Variants in OR6C74 observed in about 807,000 individuals in gnomAD.
OR6C74 encodes olfactory receptor family 6 subfamily C member 74.
For missense variants in OR6C74, 361 were observed against 362.9 expected (o/e 0.99, Z 0.04); for synonymous variants, 142 against 134.2 (o/e 1.06, Z -0.40).
At position 55,253,236 on chromosome 12, in the gene OR6C74, T is replaced by C. The variant is rs919106410; in HGVS notation, c.*5010T>C. 2.6e-5 allele frequency among the ~76,000 whole-genome samples: 4 copies of C among 152,114 alleles called. No homozygotes were observed. Among genetic ancestry groups the C allele is most frequent in the Non-Finnish European group, 4.4e-5 (3 of 67,972 alleles). The stretch of plus-strand genomic sequence containing the variant: ...TTGATTTATTCTAGTAAATGGGCCA[T>C]AACTGAAAAGACAGTTGCAATTGAA... On this transcript the variant is annotated 3_prime_UTR_variant, in exon 2 of 2. Coordinates refer to ENST00000343399, the MANE Select transcript of OR6C74 (RefSeq NM_001005490.2).
chr12:55,256,507 G>T lies in OR6C74; in HGVS notation c.*8281G>T, dbSNP rs1954346338. On this transcript the variant is annotated 3_prime_UTR_variant, in exon 2 of 2. Coordinates refer to ENST00000343399, the MANE Select transcript of OR6C74 (RefSeq NM_001005490.2). The stretch of plus-strand genomic sequence containing the variant: ...GGAAAGACTGTGTTTCTGTTTTAAG[G>T]CTCTGTTAGAAATTACTGATGCACA... Among the ~76,000 whole-genome samples, 1 of 151,976 alleles carries T rather than the reference G, an allele frequency of 6.6e-6. No individual in the cohort carries two copies. The highest frequency in any genetic ancestry group is 2.4e-5 in the African/African-American group (1 of 41,378).
In OR6C74 at chr12:55,248,426, C is replaced by A. The variant is rs147694513; in HGVS notation, c.*200C>A. ...CTGAGATCACATAGAAAAGATATTT[C>A]TTGGTTTTGGTCAAAATCATTTGCC... On this transcript the variant is annotated 3_prime_UTR_variant, in exon 2 of 2. Transcript: ENST00000343399. 3.6e-4 allele frequency: 162 copies of A among 454,558 alleles called. No individual in the cohort carries two copies. The highest frequency in any genetic ancestry group is 2.9e-3 in the African/African-American group (142 of 49,390). The allele number at this position is 454,558 out of a possible 1,614,324, so 28.2% of individuals were successfully genotyped here. A position where few individuals can be genotyped will look rare whatever the true frequency, so the allele number is the denominator to read the frequency against.
rs945713920 is a variant in OR6C74, at chr12:55,256,345, G to A, written c.*8119G>A. Among the ~76,000 whole-genome samples the A allele has an allele frequency of 4.6e-5, 7 of 152,008 alleles. No individual in the cohort carries two copies. Among genetic ancestry groups the A allele is most frequent in the Non-Finnish European group, 7.4e-5 (5 of 67,962 alleles). ...CCACAGCTCTTCTAGGCCTCTTTGGGGGTAAGGCATACTCCCTTCTGATAT... is the reference window on the plus strand; with the variant it reads ...CCACAGCTCTTCTAGGCCTCTTTGGAGGTAAGGCATACTCCCTTCTGATAT... On this transcript the variant is annotated 3_prime_UTR_variant, in exon 2 of 2. Coordinates refer to ENST00000343399, the MANE Select transcript of OR6C74 (RefSeq NM_001005490.2).
rs1466791061 is a variant in OR6C74 at position 55,249,293 on chromosome 12, T to C, written c.*1067T>C. ...TCCTTTCAATAGTACCCTATCTCAG[T>C]GTTATAAGACAAGAAAACTTTTTCT... On this transcript the variant is annotated 3_prime_UTR_variant, in exon 2 of 2. Transcript: ENST00000343399. 1.3e-5 allele frequency among the ~76,000 whole-genome samples: 2 copies of C among 152,130 alleles called. No individual in the cohort carries two copies. The highest frequency in any genetic ancestry group is 2.9e-5 in the Non-Finnish European group (2 of 68,010).
At chr12:55,245,781 G>A (rs1016517133) in intron 1 of OR6C74, among the ~76,000 whole-genome samples, 4 of 140,656 alleles carry the variant, frequency 2.8e-5, no homozygotes, top group Non-Finnish European at 4.9e-5. Flanking sequence ...GTTGATTGAG[G>A]TTTTCCTGTG....
chr12:55,249,519 G>A lies in OR6C74; in HGVS notation c.*1293G>A, dbSNP rs963853969. 1.3e-5 allele frequency among the ~76,000 whole-genome samples: 2 copies of A among 151,668 alleles called. No individual in the cohort carries two copies. The highest frequency in any genetic ancestry group is 4.8e-5 in the African/African-American group (2 of 41,334). ...CCCAGGCTAGCAAGAAATTTTATTTGAATTTTACAAGCATTAGTGAGAAGC... is the reference window on the plus strand; with the variant it reads ...CCCAGGCTAGCAAGAAATTTTATTTAAATTTTACAAGCATTAGTGAGAAGC... On this transcript the variant is annotated 3_prime_UTR_variant, in exon 2 of 2. Coordinates refer to ENST00000343399, the MANE Select transcript of OR6C74 (RefSeq NM_001005490.2).
Position 55,246,507 on chromosome 12 carries a change from A to T in OR6C74, c.-9-772A>T, listed in dbSNP as rs565613620. 1.1e-3 allele frequency among the ~76,000 whole-genome samples: 173 copies of T among 152,336 alleles called. 1 individual carries two copies. Among genetic ancestry groups the T allele is most frequent in the Non-Finnish European group, 2.1e-3 (142 of 68,032 alleles). On this transcript the variant is annotated intron_variant, in intron 1 of 1. Coordinates refer to ENST00000343399, the MANE Select transcript of OR6C74 (RefSeq NM_001005490.2). ...GTAGCTGGGATTACAGGCACAAGCC[A>T]CATTTTATTTTTAAATAGTTTGTTT...
In OR6C74 at chr12:55,248,218, A is replaced by G. The variant is rs541777526; in HGVS notation, c.931A>G (p.Met311Val). 1.3e-6 allele frequency: 2 copies of G among 1,586,758 alleles called. No individual in the cohort carries two copies. Among genetic ancestry groups the G allele is most frequent in the Non-Finnish European group, 1.7e-6 (2 of 1,157,710 alleles). The change falls in exon 2 of 2, where the codon ATG becomes GTG. Residue 311 changes from methionine to valine, a missense_variant. By Grantham distance (21) the Met-to-Val change is conservative (BLOSUM62 1). Transcript: ENST00000343399. ...AGTCAAAAAGATTGAACTTTTCTCA[A>G]TGAAATGAATCACTTTAACGATATT... is the stretch of plus-strand genomic sequence containing the variant. ...HTVKKIELFS[M>V]K
At position 55,254,687 on chromosome 12, in the gene OR6C74, C is replaced by CTTACCATG. The variant is rs61109521; in HGVS notation, c.*6464_*6465insCCATGTTA. Reference sequence around the variant, plus strand: ...AATATGGATCTTACCATGTTATAGCCTTATAGCATGTGCAGTACTTGTATT... The same window carrying CTTACCATG: ...AATATGGATCTTACCATGTTATAGCCTTACCATGTTATAGCATGTGCAGTACTTGTATT... On this transcript the variant is annotated 3_prime_UTR_variant, in exon 2 of 2. Transcript: ENST00000343399. Among the ~76,000 whole-genome samples, 17,293 of 151,966 alleles carry CTTACCATG rather than the reference C, an allele frequency of 0.11. 2,104 individuals carry two copies. The highest frequency in any genetic ancestry group is 0.31 in the African/African-American group (12,848 of 41,388).
Position 55,247,962 on chromosome 12 carries a change from A to G in OR6C74, c.675A>G (p.Lys225=). The part of the protein sequence containing the change: ...SYTNIIRTIL[K]IPSSQQRKKA... ...CAAATATTATCAGGACTATTCTGAA[A>G]ATACCTTCTTCTCAACAGAGAAAAA... The change falls in exon 2 of 2, where the codon AAA becomes AAG. Residue 225 remains lysine (K), a synonymous_variant. Coordinates refer to ENST00000343399, the MANE Select transcript of OR6C74 (RefSeq NM_001005490.2). The G allele has an allele frequency of 6.2e-7, 1 of 1,614,046 alleles. No individual in the cohort carries two copies. Among genetic ancestry groups the G allele is most frequent in the Non-Finnish European group, 8.5e-7 (1 of 1,179,976 alleles).
Position 55,252,042 on chromosome 12 carries a change from A to C in OR6C74, c.*3816A>C, listed in dbSNP as rs564274984. ...TATTTTTCATGGTACATGCACATTT[A>C]TCAGTTTATAATTTATATATAAACA... On this transcript the variant is annotated 3_prime_UTR_variant, in exon 2 of 2. Transcript: ENST00000343399. 6.6e-6 allele frequency among the ~76,000 whole-genome samples: 1 copy of C among 151,744 alleles called. No homozygotes were observed. The highest frequency in any genetic ancestry group is 2.4e-5 in the African/African-American group (1 of 41,538).
chr12:55,245,323 C>T (rs7138444), intron 1 of OR6C74, among the ~76,000 whole-genome samples: 37,473 of 151,858 alleles, frequency 0.25, 5,185 homozygotes, highest in Middle Eastern at 0.38. Context: ...TGCATTTTCC[C>T]TTCTGTAATT....
At chr12:55,247,245 C>T in intron 1 of OR6C74, 34 bp from the exon 2 acceptor site, 1 of 1,264,746 alleles carries the variant, frequency 7.9e-7, no homozygotes. Context: ...CTTTCCTCTT[C>T]TGTTCTAATT....
rs565214996 is a variant in OR6C74, at chr12:55,252,320, G to A, written c.*4094G>A. On this transcript the variant is annotated 3_prime_UTR_variant, in exon 2 of 2. Coordinates refer to ENST00000343399, the MANE Select transcript of OR6C74 (RefSeq NM_001005490.2). ...CTTGTACTTAGTTATGTGGGTTGTT[G>A]TAGTGCAAAGTTAATGCTTCACAAT... is the stretch of plus-strand genomic sequence containing the variant. 8.6e-5 allele frequency among the ~76,000 whole-genome samples: 13 copies of A among 151,654 alleles called. No homozygotes were observed. Among genetic ancestry groups the A allele is most frequent in the African/African-American group, 3.1e-4 (13 of 41,446 alleles).
In OR6C74 at chr12:55,251,492, G is replaced by C. The variant is rs1252986210; in HGVS notation, c.*3266G>C. Among the ~76,000 whole-genome samples, 1 of 151,996 alleles carries C rather than the reference G, an allele frequency of 6.6e-6. No homozygotes were observed. The highest frequency in any genetic ancestry group is 2.4e-5 in the African/African-American group (1 of 41,408). On this transcript the variant is annotated 3_prime_UTR_variant, in exon 2 of 2. Transcript: ENST00000343399. ...AATAAGGCAGCAAATGACAGGAGATGAGTGAAGTTAATATGTTCATCTATA... is the reference window on the plus strand; with the variant it reads ...AATAAGGCAGCAAATGACAGGAGATCAGTGAAGTTAATATGTTCATCTATA...
chr12:55,247,137 C>A, intron 1 of OR6C74, 142 bp from the exon 2 acceptor site: 1 of 500,458 alleles, frequency 2.0e-6, no homozygotes, highest in South Asian at 4.3e-5. Flanking sequence ...GTAAAAATCA[C>A]ATAAGTTAAT....
rs1053329888 is a variant in OR6C74 at position 55,254,665 on chromosome 12, A to G, written c.*6439A>G. Among the ~76,000 whole-genome samples the G allele has an allele frequency of 1.3e-5, 2 of 149,804 alleles. No individual in the cohort carries two copies. The highest frequency in any genetic ancestry group is 5.1e-5 in the African/African-American group (2 of 39,346). On this transcript the variant is annotated 3_prime_UTR_variant, in exon 2 of 2. Coordinates refer to ENST00000343399, the MANE Select transcript of OR6C74 (RefSeq NM_001005490.2). The stretch of plus-strand genomic sequence containing the variant: ...ATTTTCTTTCTTTAAGATCCTCAAT[A>G]TGGATCTTACCATGTTATAGCCTTA...
Position 55,253,370 on chromosome 12 carries a change from C to G in OR6C74, c.*5144C>G, listed in dbSNP as rs1954323620. 6.6e-6 allele frequency among the ~76,000 whole-genome samples: 1 copy of G among 152,016 alleles called. No homozygotes were observed. The highest frequency in any genetic ancestry group is 6.6e-5 in the Admixed American group (1 of 15,238). ...GGGTATGTGGATTAAGTCACCACTC[C>G]TGCATCTTTGTTTTTTAAGTCTTTG... On this transcript the variant is annotated 3_prime_UTR_variant, in exon 2 of 2. Coordinates refer to ENST00000343399, the MANE Select transcript of OR6C74 (RefSeq NM_001005490.2).
rs4522268 is a variant in OR6C74 at position 55,247,471 on chromosome 12, C to T, written c.184C>T (p.Arg62Ter). Residue 62 changes from arginine to a stop codon, truncating the protein, a stop_gained, in exon 2 of 2, where the codon CGA (arginine) becomes TGA (stop). Transcript: ENST00000343399. LOFTEE classifies it low-confidence loss of function (END_TRUNC). ...CAAGACACCCATGTATTTCTTCCTCCGAAATTTCTCATTTTTAGAAGTCTC... is the reference window on the plus strand; with the variant it reads ...CAAGACACCCATGTATTTCTTCCTCTGAAATTTCTCATTTTTAGAAGTCTC... ...HLKTPMYFFL[R>*]NFSFLEVSFT... The T allele has an allele frequency of 0.29, 466,966 of 1,611,998 alleles. 70,332 individuals are homozygous for T. The highest frequency in any genetic ancestry group is 0.38 in the Middle Eastern group (2,321 of 6,054).
Sources: allele counts gnomAD v4.1 joint callset (sites outside exome capture counted in the v4.1 genomes callset), GRCh38; gene constraint gnomAD v4.1.1; transcripts MANE v1.5; gene names NCBI Gene and HGNC (gene_info 2026-07-23, HGNC 2026-07-21).